The following ZSCAN5A variants were observed in gnomAD, a reference collection of about 807,000 sequenced individuals.
The protein encoded by ZSCAN5A is zinc finger and SCAN domain-containing protein 5A.
In ZSCAN5A, 12 loss-of-function variants were observed where a neutral mutation model predicts 23.7. That is an observed-to-expected ratio of 0.51 (90% CI 0.32 to 0.82). The LOEUF is 0.82. Among genes scored for constraint, ZSCAN5A ranks in the 40% least tolerant of loss-of-function variants. The pLI, the probability that ZSCAN5A is intolerant of heterozygous loss-of-function variation, is 0.03. For missense variants in ZSCAN5A, 597 were observed against 617.9 expected, an observed-to-expected ratio of 0.97 and a Z score of 0.36; for synonymous variants, 257 against 239.9, an observed-to-expected ratio of 1.07 and a Z score of -0.66.
intron 1 of ZSCAN5A, chr19:56,367,254 T>G (rs996103304): frequency 2.0e-5 from 3 of 152,210 alleles, no homozygotes; most frequent in African/African-American, 7.2e-5. Flanking sequence ...ATCAGGAGGC[T>G]GAGGCAGGAA....
chr19:56,226,616 G>C (rs544958375), intron 2 of ZSCAN5A, among the ~76,000 whole-genome samples: 8 of 152,180 alleles, frequency 5.3e-5, no homozygotes, highest in Non-Finnish European at 1.2e-4. Context: ...CCTGTGCTGG[G>C]ATGTAAATTA....
intron 2 of ZSCAN5A, among the ~76,000 whole-genome samples, chr19:56,261,294 T>C (rs1568662397): frequency 6.6e-6 from 1 of 152,154 alleles, no homozygotes; most frequent in Non-Finnish European, 1.5e-5. Flanking sequence ...CAAATTGATG[T>C]TGTCTACAGG....
At chr19:56,366,803 A>G (rs534137215) in intron 1 of ZSCAN5A, among the ~76,000 whole-genome samples, 2 of 152,296 alleles carry the variant, frequency 1.3e-5, no homozygotes, top group South Asian at 2.1e-4. Flanking sequence ...CTAAGTTTAT[A>G]TATTATTTTT....
intron 5 of ZSCAN5A, 104 bp downstream of exon 5, chr19:56,222,487 A>G: frequency 1.9e-6 from 3 of 1,553,144 alleles, no homozygotes; most frequent in Middle Eastern, 1.8e-4. Context: ...GGAGGCTTTG[A>G]CAGCTGAGTG....
intron 2 of ZSCAN5A, chr19:56,321,733 A>T: frequency 7.3e-7 from 1 of 1,367,708 alleles, no homozygotes; most frequent in Non-Finnish European, 1.0e-6. Flanking sequence ...TGCTGAGGAC[A>T]TAACTGCTTT....
intron 2 of ZSCAN5A, among the ~76,000 whole-genome samples, chr19:56,309,271 C>A (rs1381266394): frequency 6.6e-6 from 1 of 152,064 alleles, no homozygotes; most frequent in Non-Finnish European, 1.5e-5. Context: ...GACAGAAGGC[C>A]AATTACTAGT....
chr19:56,287,913 G>A (rs1183311031), intron 2 of ZSCAN5A, among the ~76,000 whole-genome samples: 1 of 152,190 alleles, frequency 6.6e-6, no homozygotes, highest in Non-Finnish European at 1.5e-5. Flanking sequence ...TGACCAGCTC[G>A]TCCCAGGACA....
chr19:56,302,397 ATTC>A (rs570935980), intron 2 of ZSCAN5A, among the ~76,000 whole-genome samples: 135 of 98,064 alleles, frequency 1.4e-3, no homozygotes, highest in Non-Finnish European at 2.1e-3. Context: ...CTCCCTCCCT[ATTC>A]TTTCCTCCTC....
intron 2 of ZSCAN5A, chr19:56,342,508 T>G (rs867481214): frequency 5.2e-6 from 2 of 388,262 alleles, no homozygotes; most frequent in Non-Finnish European, 5.3e-6. Context: ...AGCACTCCAA[T>G]AAAATCTATC....
intron 2 of ZSCAN5A, among the ~76,000 whole-genome samples, chr19:56,286,881 A>G (rs1315590601): frequency 6.6e-6 from 1 of 152,234 alleles, no homozygotes; most frequent in African/African-American, 2.4e-5. Context: ...CAATACATCC[A>G]TATCTGGAAT....
At chr19:56,273,008 G>C (rs2037964922) in intron 2 of ZSCAN5A, 1 of 432,240 alleles carries the variant, frequency 2.3e-6, no homozygotes, top group East Asian at 1.6e-4. Flanking sequence ...AGAAGCTCCT[G>C]AAGTCTAACA....
chr19:56,236,850 G>A lies in ZSCAN5A; in HGVS notation c.-127-11677C>T, dbSNP rs112433079. Among the ~76,000 whole-genome samples the A allele has an allele frequency of 4.0e-5, 6 of 148,528 alleles. No homozygotes were observed. In the South Asian group the frequency reaches 1.1e-3, roughly 26 times the overall value. ...CCTCCACTCCAACCTCTGATTGACCGTGGGCCAAGCCTCCACTCCAGCCTC... is the reference window on the plus strand; with the variant it reads ...CCTCCACTCCAACCTCTGATTGACCATGGGCCAAGCCTCCACTCCAGCCTC... On this transcript the variant is annotated intron_variant, in intron 2 of 5. Transcript: ENST00000683990.
intron 2 of ZSCAN5A, among the ~76,000 whole-genome samples, chr19:56,278,430 A>T (rs2038431239): frequency 6.6e-6 from 1 of 152,192 alleles, no homozygotes. Flanking sequence ...CGCCCCGCCC[A>T]GCCACAATGT....
intron 2 of ZSCAN5A, among the ~76,000 whole-genome samples, chr19:56,327,084 G>C (rs1281052913): frequency 6.6e-6 from 1 of 151,498 alleles, no homozygotes; most frequent in Non-Finnish European, 1.5e-5. Context: ...GTTAGAGATA[G>C]AGTCTAATTT....
intron 2 of ZSCAN5A, among the ~76,000 whole-genome samples, chr19:56,237,163 G>A (rs965185052): frequency 6.6e-6 from 1 of 152,146 alleles, no homozygotes; most frequent in Non-Finnish European, 1.5e-5. Flanking sequence ...TCCTTACTCC[G>A]TTTTTTTGTG....
chr19:56,286,726 A>C (rs1158024771), intron 2 of ZSCAN5A: 2 of 152,226 alleles, frequency 1.3e-5, no homozygotes, highest in African/African-American at 4.8e-5. Flanking sequence ...TTGAAAGAGA[A>C]TTGGAGAGAG....
intron 2 of ZSCAN5A, chr19:56,343,001 G>A: frequency 1.2e-6 from 1 of 843,432 alleles, no homozygotes; most frequent in Non-Finnish European, 2.1e-6. Context: ...CGTCTTTTCA[G>A]AAGTCACTAT....
intron 2 of ZSCAN5A, among the ~76,000 whole-genome samples, chr19:56,322,555 C>G (rs1004680980): frequency 6.6e-6 from 1 of 152,150 alleles, no homozygotes; most frequent in African/African-American, 2.4e-5. Flanking sequence ...GTGGATCTTA[C>G]CTCTCTGTTC....
intron 2 of ZSCAN5A, chr19:56,247,182 A>AAT: frequency 5.6e-5 from 32 of 567,296 alleles, no homozygotes; most frequent in Middle Eastern, 2.8e-4. Context: ...CGCAGCTCTC[A>AAT]GACCTCCGCG....
Sources: allele counts gnomAD v4.1 joint callset (sites outside exome capture counted in the v4.1 genomes callset), GRCh38; gene constraint gnomAD v4.1.1; transcripts MANE v1.5; gene names NCBI Gene and HGNC (gene_info 2026-07-23, HGNC 2026-07-21).